The following HDGF variants were observed in gnomAD, a reference collection of about 807,000 sequenced individuals.
HDGF encodes heparin binding growth factor.
In HDGF, 5 loss-of-function variants were observed where a neutral mutation model predicts 30.0. That is an observed-to-expected ratio of 0.17 (90% CI 0.09 to 0.35). HDGF has a LOEUF of 0.35. Ranked by LOEUF, HDGF falls within the 10% of genes least tolerant of loss-of-function variation. The pLI, the probability that HDGF is intolerant of heterozygous loss-of-function variation, is 1.00. For missense variants in HDGF, 214 were observed against 302.8 expected (o/e 0.71, Z 2.18); for synonymous variants, 133 against 112.7 (o/e 1.18, Z -1.14).
upstream of HDGF, among the ~76,000 whole-genome samples, chr1:156,753,246 C>CT (rs1216317655): frequency 6.6e-6 from 1 of 152,204 alleles, no homozygotes; most frequent in Non-Finnish European, 1.5e-5. Flanking sequence ...GCACACCAGG[C>CT]TGCTGGCACA....
Position 156,750,340 on chromosome 1 carries a change from C to T in HDGF, c.87+1003G>A, listed in dbSNP as rs574912503. ...TTGCCAAATGCACTGCCCCCGCATC[C>T]CCCCTCCTTTCCTCCAGCAACTGGC... On this transcript the variant is annotated intron_variant, in intron 1 of 5. Transcript: ENST00000357325. Among the ~76,000 whole-genome samples, 17 of 152,284 alleles carry T rather than the reference C, an allele frequency of 1.1e-4. No homozygotes were observed. In the South Asian group the frequency reaches 3.5e-3, roughly 32 times the overall value.
intron 1 of HDGF, among the ~76,000 whole-genome samples, chr1:156,764,576 T>A (rs1477896143): frequency 6.6e-6 from 1 of 151,998 alleles, no homozygotes; most frequent in Non-Finnish European, 1.5e-5. Flanking sequence ...TTCATGAAGT[T>A]TCTATTATCA....
At chr1:156,757,791 A>G (rs1398504811) in intron 2 of HDGF, among the ~76,000 whole-genome samples, 1 of 151,708 alleles carries the variant, frequency 6.6e-6, no homozygotes, top group Non-Finnish European at 1.5e-5. Flanking sequence ...TGTCTCAAAA[A>G]AAAAAAAAAA....
At chr1:156,744,839 C>T (rs989580807) in intron 3 of HDGF, among the ~76,000 whole-genome samples, 169 bp downstream of exon 3, 1 of 152,132 alleles carries the variant, frequency 6.6e-6, no homozygotes, top group African/African-American at 2.4e-5. Context: ...ACCACACAGC[C>T]CAACCCTATC....
intron 1 of HDGF, among the ~76,000 whole-genome samples, chr1:156,750,888 G>C (rs1431993350): frequency 6.6e-6 from 1 of 151,928 alleles, no homozygotes; most frequent in Non-Finnish European, 1.5e-5. Flanking sequence ...ACGAAGAGAA[G>C]AGTTTGAATT....
At chr1:156,744,560 A>AG in intron 3 of HDGF, 1 of 1,531,574 alleles carries the variant, frequency 6.5e-7, no homozygotes, top group South Asian at 1.2e-5. Flanking sequence ...TCTGTGCAGG[A>AG]GGGGGGAGGG....
rs1042109455 is a variant in HDGF at position 156,751,627 on chromosome 1, GC to G, written c.-199del. On this transcript the variant is annotated 5_prime_UTR_variant, in exon 1 of 6. Transcript: ENST00000357325. This position sits in a 1 kb window ranked among gnomAD's most constrained non-coding sequence, Gnocchi z 4.7. ...ACGGACGGGGCGGGCGCGGATCGGG[GC>G]AAGGCTCCGGCGCGGTGGGTGCGCG... 21 of 992,350 alleles carry G rather than the reference GC, an allele frequency of 2.1e-5. No individual in the cohort carries two copies. Among genetic ancestry groups the G allele is most frequent in the Non-Finnish European group, 2.4e-5 (20 of 835,328 alleles). 61.5% of individuals were successfully genotyped at this position (992,350 alleles called of 1,614,324 possible). A position where few individuals can be genotyped will look rare whatever the true frequency, so the allele number is the denominator to read the frequency against.
chr1:156,750,478 G>C (rs1003280192), intron 1 of HDGF: 19 of 151,784 alleles, frequency 1.3e-4, no homozygotes, highest in Admixed American at 8.5e-4. Context: ...CTGGGGTTGT[G>C]GGGGGGGCTC....
chr1:156,765,957 T>C (rs1651362766), intron 1 of HDGF, among the ~76,000 whole-genome samples: 1 of 152,228 alleles, frequency 6.6e-6, no homozygotes, highest in African/African-American at 2.4e-5. Context: ...CCTCAGTGCC[T>C]GGTTTGCAAC....
chr1:156,754,670 A>G (rs74229301), upstream of HDGF, among the ~76,000 whole-genome samples: 15,645 of 151,162 alleles, frequency 0.1, 1,030 homozygotes, highest in African/African-American at 0.18. Flanking sequence ...TAGGCCGGGC[A>G]TGGTGGCTCA....
In HDGF at chr1:156,743,817, G is replaced by A; in HGVS notation, c.551C>T (p.Thr184Ile). The A allele has an allele frequency of 6.2e-7, 1 of 1,611,810 alleles. No individual in the cohort carries two copies. Residue 184 changes from threonine to isoleucine, a missense_variant, in exon 5 of 6, where the codon ACC becomes ATC. Coordinates refer to ENST00000357325, the MANE Select transcript of HDGF (RefSeq NM_004494.3). ...AGGAAGGGGCCTCTCAACCTCCAAG[G>A]TGGCTGCCTCCTTCTCCTCTCCTTC... ...NPEGEEKEAA[T>I]LEVERPLPME...
In HDGF at chr1:156,751,434, G is replaced by T; in HGVS notation, c.-5C>A. Reference sequence around the variant, plus strand: ...CTGCCGGTTGGATCGCGACATGGCGGGGCTCCGGGCGCCCCGGGCTCCGCG... The same window carrying T: ...CTGCCGGTTGGATCGCGACATGGCGTGGCTCCGGGCGCCCCGGGCTCCGCG... On this transcript the variant is annotated 5_prime_UTR_variant, in exon 1 of 6. Coordinates refer to ENST00000357325, the MANE Select transcript of HDGF (RefSeq NM_004494.3). This position sits in a 1 kb window ranked among gnomAD's most constrained non-coding sequence, Gnocchi z 4.7. 1 of 1,562,172 alleles carries T rather than the reference G, an allele frequency of 6.4e-7. No homozygotes were observed. The highest frequency in any genetic ancestry group is 1.2e-5 in the South Asian group (1 of 86,190).
At chr1:156,761,173 C>T (rs1311230464) in intron 1 of HDGF, among the ~76,000 whole-genome samples, 2 of 151,780 alleles carry the variant, frequency 1.3e-5, no homozygotes, top group African/African-American at 2.4e-5. Context: ...ATTAGCTGGG[C>T]GTGGTGGAGC....
chr1:156,751,242 C>A lies in HDGF; in HGVS notation c.87+101G>T. 1 of 1,393,454 alleles carries A rather than the reference C, an allele frequency of 7.2e-7. No homozygotes were observed. The highest frequency in any genetic ancestry group is 1.4e-5 in the South Asian group (1 of 69,196). 86.3% of individuals were successfully genotyped at this position (1,393,454 alleles called of 1,614,324 possible). A position where few individuals can be genotyped will look rare whatever the true frequency, so the allele number is the denominator to read the frequency against. ...GAGCCGGAGACCTACAAGCCCCCTGCCCCCACCTCTGCCCGCTCCGCGCGG... is the reference window on the plus strand; with the variant it reads ...GAGCCGGAGACCTACAAGCCCCCTGACCCCACCTCTGCCCGCTCCGCGCGG... On this transcript the variant is annotated intron_variant, in intron 1 of 5. Coordinates refer to ENST00000357325, the MANE Select transcript of HDGF (RefSeq NM_004494.3). This position sits in a 1 kb window ranked among gnomAD's most constrained non-coding sequence, Gnocchi z 4.7.
chr1:156,765,129 G>A lies in HDGF; in HGVS notation n.136+1661C>T, dbSNP rs370429185. ...TTTTTTGAGACGGAGTTTCACTCTT[G>A]TTGCCCAGGCTGGAGTGCAATGGCG... is the stretch of plus-strand genomic sequence containing the variant. On this transcript the variant is annotated intron_variant and non_coding_transcript_variant, in intron 1 of 7. Transcript: ENST00000465180. Among the ~76,000 whole-genome samples the A allele has an allele frequency of 8.5e-5, 10 of 117,854 alleles. 1 individual carries two copies. Among genetic ancestry groups the A allele is most frequent in the African/African-American group, 3.2e-4 (10 of 31,598 alleles). The allele number at this position is 117,854 out of a possible 152,430, so 77.3% of individuals were successfully genotyped here.
upstream of HDGF, chr1:156,752,104 C>T (rs1321062986): frequency 2.6e-6 from 4 of 1,551,610 alleles, no homozygotes; most frequent in East Asian, 7.3e-5. Flanking sequence ...TCTGCTCCAT[C>T]TCAATCCACA....
At position 156,745,391 on chromosome 1, in the gene HDGF, G is replaced by A. The variant is rs1650458556; in HGVS notation, c.88-18C>T. ...TCGTCAATCTGGGGTGAGATGAGGG[G>A]GTGAGGTTAGCTAGAGTCCTGAGGT... is the stretch of plus-strand genomic sequence containing the variant. On this transcript the variant is annotated intron_variant, in intron 1 of 5. Transcript: ENST00000357325. 2.5e-6 allele frequency: 4 copies of A among 1,609,762 alleles called. No homozygotes were observed. Among genetic ancestry groups the A allele is most frequent in the Admixed American group, 1.7e-5 (1 of 59,650 alleles).
intron 1 of HDGF, among the ~76,000 whole-genome samples, chr1:156,750,026 C>T (rs2102724356): frequency 6.6e-6 from 1 of 152,286 alleles, no homozygotes; most frequent in South Asian, 2.1e-4. Flanking sequence ...TCATTTGATC[C>T]ATCTGAAAGT....
chr1:156,744,383 G>C lies in HDGF; in HGVS notation c.304-35C>G, dbSNP rs200160109. 4.0e-4 allele frequency: 652 copies of C among 1,610,460 alleles called. 8 individuals are homozygous for C. The South Asian group carries it at 4.5e-3, about 11-fold the overall frequency. ...AGACAGCACAGGCTGAGTGGCACCA[G>C]TCGCTGCCATGCTGGGCCCCCTCCC... On this transcript the variant is annotated intron_variant, in intron 3 of 5. Coordinates refer to ENST00000357325, the MANE Select transcript of HDGF (RefSeq NM_004494.3).
Sources: allele counts gnomAD v4.1 joint callset (sites outside exome capture counted in the v4.1 genomes callset), GRCh38; gene constraint gnomAD v4.1.1; non-coding constraint Gnocchi (gnomAD v3.1); transcripts MANE v1.5; gene names NCBI Gene and HGNC (gene_info 2026-07-23, HGNC 2026-07-21).